DRC10: variants seen among roughly 807,000 people sequenced by gnomAD.
DRC10 encodes dynein regulatory complex subunit 10.
chr12:113,205,612 G>A, the DRC10 span, among the ~76,000 whole-genome samples: 8 of 151,536 alleles, frequency 5.3e-5, no homozygotes, highest in African/African-American at 1.7e-4. Flanking sequence ...AAATCAGGCC[G>A]GGCGCGGTGG....
At chr12:113,195,802 C>T in the DRC10 span, 1 of 1,613,898 alleles carries the variant, frequency 6.2e-7, no homozygotes, top group South Asian at 1.1e-5. Context: ...TGCGCAAACT[C>T]TCCCACCAGC....
chr12:113,200,723 G>T, the DRC10 span: 2 of 1,536,190 alleles, frequency 1.3e-6, no homozygotes, highest in Non-Finnish European at 1.7e-6. Context: ...TCAGCCTCCT[G>T]CTTAGTGCGA....
chr12:113,201,350 G>A, the DRC10 span, among the ~76,000 whole-genome samples: 2 of 152,330 alleles, frequency 1.3e-5, no homozygotes. Flanking sequence ...CAGCTGAACT[G>A]GGGCCTGAAG....
the DRC10 span, chr12:113,197,624 C>G: frequency 6.7e-7 from 1 of 1,489,696 alleles, no homozygotes; most frequent in Non-Finnish European, 9.1e-7. Flanking sequence ...TAGAAAAGAT[C>G]CAATTTGTCA....
the DRC10 span, among the ~76,000 whole-genome samples, chr12:113,213,253 T>G: frequency 2.1e-4 from 32 of 151,188 alleles, no homozygotes; most frequent in Admixed American, 1.3e-3. Context: ...TCTTTTTAAA[T>G]TCACTCTTAA....
At chr12:113,199,552 G>C in the DRC10 span, among the ~76,000 whole-genome samples, 1 of 152,200 alleles carries the variant, frequency 6.6e-6, no homozygotes, top group African/African-American at 2.4e-5. Context: ...CCTTCTTTCT[G>C]GGGGAGAGGC....
chr12:113,200,793 C>A, the DRC10 span: 1 of 1,532,364 alleles, frequency 6.5e-7, no homozygotes, highest in Non-Finnish European at 8.7e-7. Flanking sequence ...GTTCTTGGAT[C>A]ACAAAGTTCT....
chr12:113,208,530 A>T, the DRC10 span: 1 of 234,214 alleles, frequency 4.3e-6, no homozygotes, highest in Non-Finnish European at 8.1e-6. Context: ...AAAACCAGAG[A>T]CTGGTTACAT....
chr12:113,217,324 ATT>A, the DRC10 span, among the ~76,000 whole-genome samples: 5 of 146,912 alleles, frequency 3.4e-5, no homozygotes, highest in African/African-American at 5.0e-5. Flanking sequence ...CACACGTGTA[ATT>A]TTTTTTTTTT....
the DRC10 span, chr12:113,207,963 C>A: frequency 6.2e-7 from 1 of 1,614,226 alleles, no homozygotes. Flanking sequence ...CATACGACAG[C>A]AAGGTCACCA....
chr12:113,200,046 C>T, the DRC10 span: 13 of 253,698 alleles, frequency 5.1e-5, no homozygotes, highest in South Asian at 4.7e-4. Context: ...CCACCTTACC[C>T]GGTCAGAAAT....
chr12:113,205,664 T>C, the DRC10 span, among the ~76,000 whole-genome samples: 19 of 129,948 alleles, frequency 1.5e-4, no homozygotes, highest in South Asian at 2.5e-4. Context: ...CCGAGGCGGG[T>C]GGATCATGAG....
At chr12:113,207,846 G>A in the DRC10 span, 12 of 1,613,928 alleles carry the variant, frequency 7.4e-6, no homozygotes, top group Non-Finnish European at 9.3e-6. Flanking sequence ...TCTCTTTCAG[G>A]CACCTGACGT....
the DRC10 span, among the ~76,000 whole-genome samples, chr12:113,214,205 T>C: frequency 6.6e-5 from 10 of 151,950 alleles, no homozygotes; most frequent in Non-Finnish European, 1.5e-4. Flanking sequence ...CAGTAGGTGC[T>C]CAATAAAGAA....
the DRC10 span, among the ~76,000 whole-genome samples, chr12:113,212,899 T>C: frequency 2.0e-5 from 3 of 152,220 alleles, no homozygotes; most frequent in African/African-American, 7.2e-5. Flanking sequence ...AAATTGTTAA[T>C]GGATGGGAAA....
At chr12:113,214,844 T>C in the DRC10 span, among the ~76,000 whole-genome samples, 1 of 152,066 alleles carries the variant, frequency 6.6e-6, no homozygotes, top group Admixed American at 6.6e-5. Context: ...TTTCTGTGAC[T>C]AATTTTGAAC....
At chr12:113,209,491 A>G in the DRC10 span, among the ~76,000 whole-genome samples, 3 of 152,192 alleles carry the variant, frequency 2.0e-5, no homozygotes, top group Non-Finnish European at 4.4e-5. Flanking sequence ...TACTGGGCTC[A>G]AGTGATCCTC....
the DRC10 span, among the ~76,000 whole-genome samples, chr12:113,208,987 A>AGTGCC: frequency 6.6e-6 from 1 of 152,334 alleles, no homozygotes; most frequent in South Asian, 2.1e-4. Flanking sequence ...GCTGCAGTGC[A>AGTGCC]GTGCCATGAT....
chr12:113,200,876 C>T, the DRC10 span: 40 of 1,273,624 alleles, frequency 3.1e-5, no homozygotes, highest in Admixed American at 2.3e-4. Flanking sequence ...CAGTGGCTCA[C>T]GCCTGTAATC....
Sources: gnomAD v4.1 joint callset for allele counts (sites outside exome capture counted in the v4.1 genomes callset) on GRCh38, gnomAD v4.1.1 for gene constraint, MANE v1.5 for transcripts, NCBI Gene and HGNC (gene_info 2026-07-23, HGNC 2026-07-21) for gene names.